The following POU6F2 variants were observed in gnomAD, a reference collection of about 807,000 sequenced individuals.
POU6F2 encodes the protein POU class 6 homeobox 2, also known as POU domain, class 6, transcription factor 2.
POU6F2 carries 31 observed loss-of-function variants against 71.3 expected under a neutral mutation model. The observed-to-expected ratio is 0.43, with a 90% CI of 0.33 to 0.59. POU6F2 has a LOEUF of 0.59. Among genes scored for constraint, POU6F2 ranks in the 20% least tolerant of loss-of-function variants. The pLI is 0.04. For synonymous variants in POU6F2, 347 were observed against 355.7 expected, an observed-to-expected ratio of 0.98 and a Z score of 0.27; for missense variants, 783 against 856.8, an observed-to-expected ratio of 0.91 and a Z score of 1.07.
At chr7:39,147,830 G>A (rs998764029) in intron 2 of POU6F2, among the ~76,000 whole-genome samples, 3 of 152,046 alleles carry the variant, frequency 2.0e-5, no homozygotes, top group African/African-American at 7.2e-5. Flanking sequence ...TTCATTTCAG[G>A]GAGACCTCCC....
In POU6F2 at chr7:39,149,812, T is replaced by C. The variant is rs185888682; in HGVS notation, c.278-54423T>C. On this transcript the variant is annotated intron_variant, in intron 2 of 9. Transcript: ENST00000518318. ...TATAAATGAGATCAAGCAAAACTTT[T>C]GTGTTTCTGGCTTATTTCGCTTAGC... 6.9e-4 allele frequency among the ~76,000 whole-genome samples: 105 copies of C among 152,314 alleles called. 1 individual carries two copies. Among genetic ancestry groups the C allele is most frequent in the African/African-American group, 2.4e-3 (98 of 41,576 alleles).
rs79710962 is a variant in POU6F2 at position 39,054,986 on chromosome 7, C to T, written c.106-30874C>T. ...GAGTCATAAGCAGGGTTGGAGTCTC[C>T]GGTGGGGGAGATAATTACATGATCA... On this transcript the variant is annotated intron_variant, in intron 1 of 9. Transcript: ENST00000518318. Among the ~76,000 whole-genome samples, 80 of 151,700 alleles carry T rather than the reference C, an allele frequency of 5.3e-4. No homozygotes were observed. The East Asian group carries it at 0.01, about 19-fold the overall frequency.
chr7:39,256,127 T>G (rs1386007676), intron 4 of POU6F2, among the ~76,000 whole-genome samples: 1 of 136,096 alleles, frequency 7.3e-6, no homozygotes, highest in Non-Finnish European at 1.6e-5. Context: ...TGAGATTGTC[T>G]GATACACTGC....
At chr7:39,118,130 G>C (rs1791971385) in intron 2 of POU6F2, among the ~76,000 whole-genome samples, 6 of 152,222 alleles carry the variant, frequency 3.9e-5, no homozygotes, top group Admixed American at 2.6e-4. Flanking sequence ...CTGGAGAAAT[G>C]AGCTGGTCCA....
intron 1 of POU6F2, among the ~76,000 whole-genome samples, chr7:39,084,065 A>C (rs1584534214): frequency 6.6e-6 from 1 of 151,280 alleles, no homozygotes; most frequent in Non-Finnish European, 1.5e-5. Flanking sequence ...ATATGATAAA[A>C]CCCTTCAAAA....
At chr7:39,462,392 G>C (rs1291217332) in intron 9 of POU6F2, among the ~76,000 whole-genome samples, 3 of 152,168 alleles carry the variant, frequency 2.0e-5, no homozygotes, top group African/African-American at 7.2e-5. Flanking sequence ...TTCAAAGGGT[G>C]GTGAGGAACC....
intron 4 of POU6F2, among the ~76,000 whole-genome samples, chr7:39,273,505 C>G (rs1261586043): frequency 6.6e-6 from 1 of 152,150 alleles, no homozygotes; most frequent in Non-Finnish European, 1.5e-5. Flanking sequence ...TAGTACTCCT[C>G]AGAATTTTAA....
At chr7:39,380,368 G>C (rs540647721) in intron 5 of POU6F2, among the ~76,000 whole-genome samples, 3 of 152,226 alleles carry the variant, frequency 2.0e-5, no homozygotes, top group Admixed American at 2.0e-4. Flanking sequence ...AATTTGTGTT[G>C]GGTATCTGGC....
At chr7:39,162,468 G>T (rs961851976) in intron 2 of POU6F2, among the ~76,000 whole-genome samples, 1 of 152,100 alleles carries the variant, frequency 6.6e-6, no homozygotes, top group Non-Finnish European at 1.5e-5. Context: ...AACGGAATAG[G>T]TCTTAACTTA....
intron 4 of POU6F2, among the ~76,000 whole-genome samples, chr7:39,308,362 A>G (rs113394670): frequency 1.3e-5 from 2 of 152,302 alleles, no homozygotes; most frequent in African/African-American, 4.8e-5. Flanking sequence ...ATCTCAGTGA[A>G]ACGTGTGATC....
chr7:38,985,225 T>C (rs1311753839), intron 1 of POU6F2, among the ~76,000 whole-genome samples: 1 of 152,126 alleles, frequency 6.6e-6, no homozygotes, highest in Non-Finnish European at 1.5e-5. Context: ...GCTAGTTAAT[T>C]TTGTAAGTCT....
chr7:39,066,621 A>G (rs1030925150), intron 1 of POU6F2, among the ~76,000 whole-genome samples: 2 of 151,570 alleles, frequency 1.3e-5, no homozygotes, highest in African/African-American at 2.4e-5. Flanking sequence ...TATGGAGGAA[A>G]TGACAACATC....
At chr7:39,331,207 T>A (rs1562792814) in intron 4 of POU6F2, among the ~76,000 whole-genome samples, 1 of 152,252 alleles carries the variant, frequency 6.6e-6, no homozygotes, top group Non-Finnish European at 1.5e-5. Context: ...ATTCCATATC[T>A]TGGCTGTTGT....
intron 1 of POU6F2, among the ~76,000 whole-genome samples, chr7:39,031,820 G>A (rs1198370286): frequency 6.6e-6 from 1 of 151,996 alleles, no homozygotes; most frequent in Non-Finnish European, 1.5e-5. Context: ...GGTGGAGGCT[G>A]CAGTGAGCTG....
intron 4 of POU6F2, among the ~76,000 whole-genome samples, chr7:39,298,603 C>G (rs1202650204): frequency 6.6e-6 from 1 of 152,180 alleles, no homozygotes; most frequent in Non-Finnish European, 1.5e-5. Context: ...GTGGCTATTC[C>G]TCAAGGATCT....
intron 1 of POU6F2, among the ~76,000 whole-genome samples, chr7:39,024,553 G>A: frequency 6.6e-6 from 1 of 152,142 alleles, no homozygotes; most frequent in Non-Finnish European, 1.5e-5. Context: ...TCGAATAGGA[G>A]TGGTGAGAGA....
intron 4 of POU6F2, among the ~76,000 whole-genome samples, chr7:39,332,647 A>G (rs936461747): frequency 4.6e-5 from 7 of 152,192 alleles, no homozygotes; most frequent in African/African-American, 1.4e-4. Flanking sequence ...TAGTTTTGCT[A>G]TTGAGAGGTA....
chr7:39,025,887 T>A (rs1321114874), intron 1 of POU6F2, among the ~76,000 whole-genome samples: 8 of 149,900 alleles, frequency 5.3e-5, no homozygotes, highest in Admixed American at 1.3e-4. Flanking sequence ...TACAATGAAC[T>A]CAAACAAATT....
At chr7:39,211,679 T>C (rs1794145578) in intron 4 of POU6F2, among the ~76,000 whole-genome samples, 1 of 152,158 alleles carries the variant, frequency 6.6e-6, no homozygotes, top group African/African-American at 2.4e-5. Flanking sequence ...TGCAGGATCC[T>C]AGGAACAGCC....
Sources: allele counts gnomAD v4.1 joint callset (sites outside exome capture counted in the v4.1 genomes callset), GRCh38; gene constraint gnomAD v4.1.1; transcripts MANE v1.5; gene names NCBI Gene and HGNC (gene_info 2026-07-23, HGNC 2026-07-21).